Variants in ZHX3 observed in about 807,000 individuals in gnomAD.
The protein encoded by ZHX3 is zinc fingers and homeoboxes protein 3.
ZHX3 carries 20 observed loss-of-function variants against 64.5 expected under a neutral mutation model. The ratio of observed to expected loss-of-function variants is 0.31; its 90% confidence interval spans 0.22 to 0.45. ZHX3 has a LOEUF of 0.45. Ranked by LOEUF, ZHX3 falls within the 20% of genes least tolerant of loss-of-function variation. The pLI is 1.00. For missense variants in ZHX3, 1,041 were observed against 1,195.8 expected, an observed-to-expected ratio of 0.87 and a Z score of 1.91; for synonymous variants, 423 against 461.6, an observed-to-expected ratio of 0.92 and a Z score of 1.07.
In ZHX3 at chr20:41,268,119, C is replaced by T. The variant is rs185361501; in HGVS notation, c.-151+871G>A. Among the ~76,000 whole-genome samples, 10 of 152,194 alleles carry T rather than the reference C, an allele frequency of 6.6e-5. No individual in the cohort carries two copies. The East Asian group carries it at 1.7e-3, about 26-fold the overall frequency. On this transcript the variant is annotated intron_variant, in intron 2 of 3. Coordinates refer to ENST00000683867, the MANE Select transcript of ZHX3 (RefSeq NM_001384317.1). ...GAAAATTCCCACGGGCTGGTGGTCCCCAGGCTTGTGAAGGAGGAGAGAGAG... is the reference window on the plus strand; with the variant it reads ...GAAAATTCCCACGGGCTGGTGGTCCTCAGGCTTGTGAAGGAGGAGAGAGAG...
At chr20:41,239,877 T>C (rs925586331) in intron 2 of ZHX3, among the ~76,000 whole-genome samples, 4 of 152,224 alleles carry the variant, frequency 2.6e-5, no homozygotes, top group African/African-American at 7.2e-5. Flanking sequence ...TTTATTCTTA[T>C]ACAGAGATAA....
At chr20:41,266,439 G>C (rs1458656026) in intron 2 of ZHX3, among the ~76,000 whole-genome samples, 2 of 152,056 alleles carry the variant, frequency 1.3e-5, no homozygotes, top group Non-Finnish European at 2.9e-5. Context: ...TAACTCCACA[G>C]GCATTGCTAG....
At chr20:41,247,410 T>C (rs1165134288) in intron 2 of ZHX3, among the ~76,000 whole-genome samples, 1 of 152,070 alleles carries the variant, frequency 6.6e-6, no homozygotes, top group Non-Finnish European at 1.5e-5. Flanking sequence ...ATTTGGGTCT[T>C]GGGCAAAGTA....
chr20:41,288,979 T>C (rs527307625), intron 1 of ZHX3, among the ~76,000 whole-genome samples: 7 of 152,302 alleles, frequency 4.6e-5, no homozygotes, highest in African/African-American at 1.4e-4. Flanking sequence ...TGCTAATTAA[T>C]GGAATCTAAC....
chr20:41,302,390 G>C (rs2044849126), intron 1 of ZHX3, among the ~76,000 whole-genome samples: 1 of 152,154 alleles, frequency 6.6e-6, no homozygotes, highest in Non-Finnish European at 1.5e-5. Context: ...CCTCTTCCCT[G>C]ACCCAGGGAC....
chr20:41,282,437 C>T lies in ZHX3; in HGVS notation c.-244-13354G>A, dbSNP rs1400378893. On this transcript the variant is annotated intron_variant, in intron 1 of 3. Coordinates refer to ENST00000683867, the MANE Select transcript of ZHX3 (RefSeq NM_001384317.1). ...ACAGCGGCGCTATCTTGGCTCACTG[C>T]AACATTCGCCTCCAGGGTTCAAGCG... Among the ~76,000 whole-genome samples the T allele has an allele frequency of 2.2e-5, 3 of 138,070 alleles. No individual in the cohort carries two copies. In the East Asian group the frequency reaches 7.8e-4, roughly 36 times the overall value. The allele number at this position is 138,070 out of a possible 152,430, so 90.6% of individuals were successfully genotyped here.
At position 41,180,129 on chromosome 20, in the gene ZHX3, G is replaced by A. The variant is rs1008643498; in HGVS notation, c.*5062C>T. 3 of 152,650 alleles carry A rather than the reference G, an allele frequency of 2.0e-5. No homozygotes were observed. Among genetic ancestry groups the A allele is most frequent in the African/African-American group, 7.2e-5 (3 of 41,434 alleles). 9.5% of individuals were successfully genotyped at this position (152,650 alleles called of 1,614,324 possible). ...TGCTCAGGCTCCTCTCAGTACCCTG[G>A]GGCTCACCGCCTATCCAAGTGGACA... On this transcript the variant is annotated 3_prime_UTR_variant, in exon 4 of 4. Transcript: ENST00000683867.
In ZHX3 at chr20:41,232,206, A is replaced by G. The variant is rs2040653375; in HGVS notation, c.-150-27140T>C. Among the ~76,000 whole-genome samples the G allele has an allele frequency of 6.6e-6, 1 of 152,114 alleles. No individual in the cohort carries two copies. Among genetic ancestry groups the G allele is most frequent in the Non-Finnish European group, 1.5e-5 (1 of 68,036 alleles). On this transcript the variant is annotated intron_variant, in intron 2 of 3. Coordinates refer to ENST00000683867, the MANE Select transcript of ZHX3 (RefSeq NM_001384317.1). This position sits in a 1 kb window ranked among gnomAD's most constrained non-coding sequence, Gnocchi z 5.0. ...GGTGACTTAATAACCATCTTCAATC[A>G]TTGTTATTACACAGAGAATGATGAC...
intron 1 of ZHX3, among the ~76,000 whole-genome samples, chr20:41,275,285 T>C (rs963081367): frequency 4.6e-5 from 7 of 152,216 alleles, no homozygotes; most frequent in African/African-American, 1.7e-4. Flanking sequence ...TTGCGATCTA[T>C]AATGAAACTA....
intron 1 of ZHX3, chr20:41,316,901 AGTGTTTTCGC>A (rs2045303928): frequency 6.6e-6 from 1 of 152,310 alleles, no homozygotes; most frequent in Admixed American, 6.5e-5. Context: ...GCCCACGTGT[AGTGTTTTCGC>A]GTGGGCAGAC....
chr20:41,185,739 T>G lies in ZHX3; in HGVS notation c.2861-538A>C, dbSNP rs1462186265. ...TCTGTGATTCATAAAGAAATGGTCC[T>G]TAATTGCAGCTGGCTGAGAAAGCCA... On this transcript the variant is annotated intron_variant, in intron 3 of 3. Transcript: ENST00000683867. The surrounding 1 kb of genome is among the most constrained non-coding windows in gnomAD (Gnocchi z 5.0). 6.4e-6 allele frequency: 1 copy of G among 155,378 alleles called. No individual in the cohort carries two copies. Among genetic ancestry groups the G allele is most frequent in the Non-Finnish European group, 1.4e-5 (1 of 70,350 alleles). 9.6% of individuals were successfully genotyped at this position (155,378 alleles called of 1,614,324 possible).
chr20:41,205,676 C>T (rs567223073), intron 2 of ZHX3, among the ~76,000 whole-genome samples: 1 of 152,206 alleles, frequency 6.6e-6, no homozygotes, highest in Non-Finnish European at 1.5e-5. Flanking sequence ...GATCACCTTA[C>T]AGTTACTGGC....
chr20:41,274,282 T>C (rs1002156216), intron 1 of ZHX3, among the ~76,000 whole-genome samples: 1 of 152,258 alleles, frequency 6.6e-6, no homozygotes, highest in Non-Finnish European at 1.5e-5. Context: ...TGCACGAAGC[T>C]TATTTGTTCA....
At chr20:41,266,705 C>A (rs369358099) in intron 2 of ZHX3, among the ~76,000 whole-genome samples, 1 of 151,892 alleles carries the variant, frequency 6.6e-6, no homozygotes, top group South Asian at 2.1e-4. Flanking sequence ...GCCACTGCGC[C>A]CAGCTAATTT....
intron 1 of ZHX3, among the ~76,000 whole-genome samples, chr20:41,283,562 T>A (rs930135290): frequency 1.1e-4 from 16 of 151,948 alleles, no homozygotes; most frequent in African/African-American, 3.9e-4. Flanking sequence ...ATCGAGACCA[T>A]CCTGGCTAAC....
At position 41,202,041 on chromosome 20, in the gene ZHX3, C is replaced by G. The variant is rs368933413; in HGVS notation, c.2860+16G>C. ...TTACCCACACAGGATAGCCATGGCC[C>G]CTGTGGACTCCTTACCGAGCTGACG... On this transcript the variant is annotated intron_variant, in intron 3 of 3. Coordinates refer to ENST00000683867, the MANE Select transcript of ZHX3 (RefSeq NM_001384317.1). This position sits in a 1 kb window ranked among gnomAD's most constrained non-coding sequence, Gnocchi z 7.0. The G allele has an allele frequency of 8.1e-5, 128 of 1,573,322 alleles. No homozygotes were observed. Among genetic ancestry groups the G allele is most frequent in the Non-Finnish European group, 1.1e-4 (123 of 1,159,244 alleles).
At chr20:41,268,701 GA>G (rs1274341362) in intron 2 of ZHX3, among the ~76,000 whole-genome samples, 1 of 152,154 alleles carries the variant, frequency 6.6e-6, no homozygotes, top group Non-Finnish European at 1.5e-5. Flanking sequence ...CACAACACAG[GA>G]TACTCTTATG....
intron 1 of ZHX3, among the ~76,000 whole-genome samples, chr20:41,305,013 A>T (rs1031432281): frequency 1.3e-5 from 2 of 152,272 alleles, no homozygotes; most frequent in Non-Finnish European, 2.9e-5. Context: ...TGACTGAACA[A>T]GGACCATTAC....
intron 1 of ZHX3, among the ~76,000 whole-genome samples, chr20:41,313,022 A>G (rs1266598479): frequency 6.6e-6 from 1 of 152,148 alleles, no homozygotes; most frequent in East Asian, 1.9e-4. Flanking sequence ...GGAAGATGGA[A>G]AAAAGGGAGG....
Sources: gnomAD v4.1 joint callset for allele counts (sites outside exome capture counted in the v4.1 genomes callset) on GRCh38, gnomAD v4.1.1 for gene constraint, Gnocchi (gnomAD v3.1) non-coding constraint, MANE v1.5 for transcripts, NCBI Gene and HGNC (gene_info 2026-07-23, HGNC 2026-07-21) for gene names.